The following BNC2 variants were observed in gnomAD, a reference collection of about 807,000 sequenced individuals.
BNC2 encodes zinc finger protein basonuclin-2.
Under a neutral mutation model 76.3 loss-of-function variants are expected in BNC2, and 20 were observed. The ratio of observed to expected loss-of-function variants is 0.26; its 90% CI spans 0.18 to 0.38. The LOEUF is 0.38. Among genes scored for constraint, BNC2 ranks in the 10% least tolerant of loss-of-function variants. The pLI is 1.00. For synonymous variants in BNC2, 582 were observed against 514.8 expected, an observed-to-expected ratio of 1.13 and a Z score of -1.77; for missense variants, 1,382 against 1,399.8, an observed-to-expected ratio of 0.99 and a Z score of 0.20.
chr9:16,637,133 T>C (rs1361806645), intron 3 of BNC2, among the ~76,000 whole-genome samples: 1 of 152,086 alleles, frequency 6.6e-6, no homozygotes, highest in East Asian at 1.9e-4. Flanking sequence ...CATACCCTTA[T>C]GGCTTTTATT....
At chr9:16,749,392 G>C (rs562861363) in intron 1 of BNC2, among the ~76,000 whole-genome samples, 1 of 152,246 alleles carries the variant, frequency 6.6e-6, no homozygotes, top group South Asian at 2.1e-4. Context: ...AAGGCAAAGA[G>C]AAGAGAACAT....
intron 5 of BNC2, among the ~76,000 whole-genome samples, chr9:16,516,949 T>C (rs1235576325): frequency 6.6e-6 from 1 of 152,244 alleles, no homozygotes; most frequent in Non-Finnish European, 1.5e-5. Context: ...TCAGTTGCAC[T>C]GTGACACAAC....
intron 1 of BNC2, among the ~76,000 whole-genome samples, chr9:16,804,765 TA>T (rs1163153466): frequency 6.6e-6 from 1 of 152,088 alleles, no homozygotes; most frequent in Non-Finnish European, 1.5e-5. Flanking sequence ...TGGTGTGGTT[TA>T]AAAGTGGTGT....
chr9:16,812,090 G>T (rs1281563398), intron 1 of BNC2, among the ~76,000 whole-genome samples: 1 of 152,184 alleles, frequency 6.6e-6, no homozygotes, highest in Non-Finnish European at 1.5e-5. Context: ...GACTGGCAGG[G>T]AAGGAACCCT....
At chr9:16,484,297 GAC>G (rs1822116482) in intron 5 of BNC2, among the ~76,000 whole-genome samples, 2 of 152,150 alleles carry the variant, frequency 1.3e-5, no homozygotes, top group Admixed American at 6.5e-5. Context: ...CCTTGTTTTT[GAC>G]ACACTGGAAA....
At chr9:16,486,109 C>G (rs928139696) in intron 5 of BNC2, among the ~76,000 whole-genome samples, 2 of 152,112 alleles carry the variant, frequency 1.3e-5, no homozygotes, top group African/African-American at 4.8e-5. Context: ...GTTGTTTCCA[C>G]CCCCGTGCTG....
At chr9:16,578,920 T>C (rs1007448176) in intron 4 of BNC2, among the ~76,000 whole-genome samples, 1 of 152,150 alleles carries the variant, frequency 6.6e-6, no homozygotes, top group Non-Finnish European at 1.5e-5. Context: ...TTGACAGAAT[T>C]AGAAATTCTG....
At chr9:16,849,352 AT>A (rs35561834) in intron 1 of BNC2, among the ~76,000 whole-genome samples, 8,738 of 89,676 alleles carry the variant, frequency 0.097, 103 homozygotes, top group Middle Eastern at 0.14. Context: ...CATGCAAAAG[AT>A]TTTTTTTTTT....
intron 5 of BNC2, among the ~76,000 whole-genome samples, chr9:16,536,807 C>T (rs1186736876): frequency 6.6e-6 from 1 of 152,064 alleles, no homozygotes; most frequent in East Asian, 1.9e-4. Flanking sequence ...GGAACATTAT[C>T]TAAGCCAAAT....
intron 3 of BNC2, among the ~76,000 whole-genome samples, chr9:16,664,090 C>G (rs748409908): frequency 6.6e-6 from 1 of 152,142 alleles, no homozygotes; most frequent in African/African-American, 2.4e-5. Context: ...AAATAATAGG[C>G]CTTTATTCCT....
chr9:16,590,754 C>A (rs567303132), intron 3 of BNC2, among the ~76,000 whole-genome samples: 2 of 152,212 alleles, frequency 1.3e-5, no homozygotes, highest in East Asian at 3.9e-4. Context: ...ATGCAGTAAA[C>A]CATGATCATA....
intron 3 of BNC2, among the ~76,000 whole-genome samples, chr9:16,683,667 C>A (rs571409285): frequency 1.3e-5 from 2 of 152,324 alleles, no homozygotes; most frequent in South Asian, 4.1e-4. Flanking sequence ...AAAAATACTC[C>A]TGAAATAGAT....
intron 3 of BNC2, among the ~76,000 whole-genome samples, chr9:16,673,765 T>C (rs2134207201): frequency 6.6e-6 from 1 of 152,288 alleles, no homozygotes. Context: ...ATGCTTTAAT[T>C]TACACAGCCA....
chr9:16,418,850 G>C lies in BNC2; in HGVS notation c.*139C>G. The C allele has an allele frequency of 1.1e-6, 1 of 924,074 alleles. No individual in the cohort carries two copies. Among genetic ancestry groups the C allele is most frequent in the Non-Finnish European group, 1.7e-6 (1 of 600,372 alleles). The allele number at this position is 924,074 out of a possible 1,614,324, so 57.2% of individuals were successfully genotyped here. A position where few individuals can be genotyped will look rare whatever the true frequency, so the allele number is the denominator to read the frequency against. ...CTCAAGGAAATACGTGTGTGTATATGTAGCCACAGAGCATACATAAATGCA... is the reference window on the plus strand; with the variant it reads ...CTCAAGGAAATACGTGTGTGTATATCTAGCCACAGAGCATACATAAATGCA... On this transcript the variant is annotated 3_prime_UTR_variant, in exon 7 of 7. Transcript: ENST00000380672.
Position 16,410,557 on chromosome 9 carries a change from TTAGA to T in BNC2, c.*8428_*8431del, listed in dbSNP as rs1820438332. On this transcript the variant is annotated 3_prime_UTR_variant, in exon 7 of 7. Transcript: ENST00000380672. ...GCAAATGCACCATATACTAGAAATC[TTAGA>T]TAGTCTTATCAGGTTAAGATATAAT... is the stretch of plus-strand genomic sequence containing the variant. The T allele has an allele frequency of 6.6e-6, 1 of 152,598 alleles. No homozygotes were observed. The highest frequency in any genetic ancestry group is 1.5e-5 in the Non-Finnish European group (1 of 68,034). 9.5% of individuals were successfully genotyped at this position (152,598 alleles called of 1,614,324 possible).
At chr9:16,433,504 A>T (rs1430800985) in intron 6 of BNC2, among the ~76,000 whole-genome samples, 1 of 152,168 alleles carries the variant, frequency 6.6e-6, no homozygotes, top group Non-Finnish European at 1.5e-5. Context: ...GTCTAAACGT[A>T]TATATGGCTA....
chr9:16,480,658 G>A (rs371871818), intron 5 of BNC2, among the ~76,000 whole-genome samples: 2 of 152,208 alleles, frequency 1.3e-5, no homozygotes, highest in East Asian at 1.9e-4. Context: ...CCGGGCCAGC[G>A]GCTGCGGAGG....
chr9:16,429,708 C>T (rs1186702270), intron 6 of BNC2: 7 of 303,864 alleles, frequency 2.3e-5, no homozygotes, highest in Non-Finnish European at 4.6e-5. Context: ...TTAATGTTAA[C>T]TCTCATCAAT....
intron 5 of BNC2, among the ~76,000 whole-genome samples, chr9:16,446,025 C>G (rs567243535): frequency 6.6e-6 from 1 of 152,266 alleles, no homozygotes; most frequent in African/African-American, 2.4e-5. Flanking sequence ...AGATAAATAA[C>G]TTATTAGTCT....
Sources: allele counts gnomAD v4.1 joint callset (sites outside exome capture counted in the v4.1 genomes callset), GRCh38; gene constraint gnomAD v4.1.1; transcripts MANE v1.5; gene names NCBI Gene and HGNC (gene_info 2026-07-23, HGNC 2026-07-21).